Variants in LRMDA observed in about 807,000 individuals in gnomAD.
LRMDA encodes leucine-rich melanocyte differentiation-associated protein.
A neutral mutation model predicts 29.8 loss-of-function variants in LRMDA; 18 were observed. The observed-to-expected ratio is 0.60, with a 90% CI of 0.42 to 0.90. The LOEUF (loss-of-function observed/expected upper bound fraction) is 0.90, where lower values mean the gene tolerates loss of function less well. Ranked by LOEUF, LRMDA falls within the 40% of genes least tolerant of loss-of-function variation. The pLI is 0.00. For synonymous variants in LRMDA, 125 were observed against 109.4 expected (o/e 1.14, Z -0.89); for missense variants, 273 against 273.9 (o/e 1.00, Z 0.02).
intron 2 of LRMDA, among the ~76,000 whole-genome samples, chr10:75,493,916 T>C (rs901024624): frequency 1.6e-4 from 20 of 126,844 alleles, no homozygotes; most frequent in African/African-American, 5.7e-4. Context: ...TGTGTGTGTG[T>C]GTAAATTATT....
At chr10:75,929,518 C>T (rs188199718) in intron 2 of LRMDA, among the ~76,000 whole-genome samples, 322 of 152,138 alleles carry the variant, frequency 2.1e-3, no homozygotes, top group Non-Finnish European at 4.0e-3. Flanking sequence ...AGTAACCTCC[C>T]CAAGTTACAT....
rs1248469743 is a variant in LRMDA, at chr10:76,146,029, A to G, written c.516+87246A>G. ...AGTGAGTTTCTTAATCCTGAGTTCTAGTTTGATTGCACTGTGGTCTGAGAG... is the reference window on the plus strand; with the variant it reads ...AGTGAGTTTCTTAATCCTGAGTTCTGGTTTGATTGCACTGTGGTCTGAGAG... On this transcript the variant is annotated intron_variant, in intron 5 of 6. Transcript: ENST00000611255. Among the ~76,000 whole-genome samples the G allele has an allele frequency of 4.6e-5, 7 of 151,802 alleles. No individual in the cohort carries two copies. In the East Asian group the frequency reaches 1.4e-3, roughly 29 times the overall value.
intron 2 of LRMDA, among the ~76,000 whole-genome samples, chr10:75,492,130 G>A (rs1812045938): frequency 6.6e-6 from 1 of 152,226 alleles, no homozygotes; most frequent in African/African-American, 2.4e-5. Flanking sequence ...CATCCGTCAG[G>A]AGAGCCTACG....
rs1840037432 is a variant in LRMDA at position 76,269,059 on chromosome 10, A to G, written c.517-55342A>G. Among the ~76,000 whole-genome samples the G allele has an allele frequency of 2.0e-5, 3 of 152,124 alleles. No individual in the cohort carries two copies. The South Asian group carries it at 6.2e-4, about 32-fold the overall frequency. ...ACCGAATATTTATATATCTATTTTG[A>G]AATTTACATTTCTCCCTTTCTTATG... On this transcript the variant is annotated intron_variant, in intron 5 of 6. Coordinates refer to ENST00000611255, the MANE Select transcript of LRMDA (RefSeq NM_001305581.2).
intron 2 of LRMDA, among the ~76,000 whole-genome samples, chr10:75,902,803 G>A (rs1194883537): frequency 6.6e-6 from 1 of 152,184 alleles, no homozygotes; most frequent in Non-Finnish European, 1.5e-5. Flanking sequence ...CTGTGGCAGT[G>A]AGGAGGGCCA....
chr10:75,615,495 T>G (rs1349302150), intron 2 of LRMDA, among the ~76,000 whole-genome samples: 1 of 152,156 alleles, frequency 6.6e-6, no homozygotes, highest in African/African-American at 2.4e-5. Context: ...AGATTTGGGT[T>G]TTTCAGATTA....
At chr10:76,012,313 A>G (rs1057484738) in intron 2 of LRMDA, among the ~76,000 whole-genome samples, 3 of 152,172 alleles carry the variant, frequency 2.0e-5, no homozygotes, top group African/African-American at 7.2e-5. Context: ...AGCCCATGTC[A>G]GGGCTATACT....
Position 76,104,430 on chromosome 10 carries a change from C to G in LRMDA, c.516+45647C>G, listed in dbSNP as rs369808126. Among the ~76,000 whole-genome samples the G allele has an allele frequency of 9.6e-4, 146 of 152,226 alleles. 3 individuals carry two copies. The South Asian group carries it at 0.03, about 31-fold the overall frequency. On this transcript the variant is annotated intron_variant, in intron 5 of 6. Transcript: ENST00000611255. ...GGTAGGGCTACTTCCCCTCCCATTGCCACCTGCAACTTTGTGGTTCTGGCT... is the reference window on the plus strand; with the variant it reads ...GGTAGGGCTACTTCCCCTCCCATTGGCACCTGCAACTTTGTGGTTCTGGCT...
At chr10:75,764,075 G>A (rs569020233) in intron 2 of LRMDA, among the ~76,000 whole-genome samples, 1 of 152,238 alleles carries the variant, frequency 6.6e-6, no homozygotes, top group African/African-American at 2.4e-5. Flanking sequence ...TGAGGGTGGG[G>A]CTGGTAGAAA....
chr10:76,117,297 G>A (rs1434355051), intron 5 of LRMDA, among the ~76,000 whole-genome samples: 1 of 152,118 alleles, frequency 6.6e-6, no homozygotes, highest in Non-Finnish European at 1.5e-5. Flanking sequence ...GACCCAACCA[G>A]GGCATATTCA....
rs563722397 is a variant in LRMDA at position 76,290,955 on chromosome 10, T to A, written c.517-33446T>A. On this transcript the variant is annotated intron_variant, in intron 5 of 6. Transcript: ENST00000611255. ...ATGTAAATTAATGTTGACCTCTAAT[T>A]AAAATCTTTCAATTTATATATAATA... 3.3e-5 allele frequency among the ~76,000 whole-genome samples: 5 copies of A among 152,334 alleles called. No homozygotes were observed. The South Asian group carries it at 1.0e-3, about 32-fold the overall frequency.
At chr10:76,517,281 C>A (rs139182949) in intron 6 of LRMDA, among the ~76,000 whole-genome samples, 232 of 152,068 alleles carry the variant, frequency 1.5e-3, no homozygotes, top group African/African-American at 5.4e-3. Context: ...CTTAAAAGCC[C>A]CACCTAACCA....
chr10:75,588,499 T>C (rs1014078489), intron 2 of LRMDA, among the ~76,000 whole-genome samples: 2 of 152,230 alleles, frequency 1.3e-5, no homozygotes, highest in African/African-American at 2.4e-5. Flanking sequence ...GCCTGGTCCA[T>C]GTGAGTTCCT....
At chr10:76,406,022 AT>A (rs1040650628) in intron 6 of LRMDA, among the ~76,000 whole-genome samples, 2 of 152,218 alleles carry the variant, frequency 1.3e-5, no homozygotes, top group Admixed American at 6.5e-5. Flanking sequence ...ATGTCCTCTT[AT>A]TTAACTGGCC....
intron 5 of LRMDA, among the ~76,000 whole-genome samples, chr10:76,094,048 G>A (rs1849275861): frequency 6.6e-6 from 1 of 152,198 alleles, no homozygotes; most frequent in Non-Finnish European, 1.5e-5. Context: ...CACACAGTAG[G>A]AAGGTAGTAA....
chr10:76,231,438 T>C (rs1852056982), intron 5 of LRMDA, among the ~76,000 whole-genome samples: 1 of 152,230 alleles, frequency 6.6e-6, no homozygotes, highest in South Asian at 2.1e-4. Flanking sequence ...GGCTGCTTAA[T>C]ACACAAGTGT....
At position 76,408,853 on chromosome 10, in the gene LRMDA, T is replaced by A. The variant is rs528290342; in HGVS notation, c.601+84368T>A. Among the ~76,000 whole-genome samples the A allele has an allele frequency of 2.0e-5, 3 of 152,300 alleles. No individual in the cohort carries two copies. The South Asian group carries it at 6.2e-4, about 32-fold the overall frequency. ...GACAGCTTTCCTTTGGTGGTTTGCATACTCCCCTCATGTAGTAGTCACATT... is the reference window on the plus strand; with the variant it reads ...GACAGCTTTCCTTTGGTGGTTTGCAAACTCCCCTCATGTAGTAGTCACATT... On this transcript the variant is annotated intron_variant, in intron 6 of 6. Transcript: ENST00000611255.
At chr10:76,152,623 T>A (rs1850465893) in intron 5 of LRMDA, among the ~76,000 whole-genome samples, 1 of 152,212 alleles carries the variant, frequency 6.6e-6, no homozygotes, top group South Asian at 2.1e-4. Context: ...CCATAGGTAG[T>A]GCCATTTTAC....
intron 2 of LRMDA, among the ~76,000 whole-genome samples, chr10:75,888,024 T>A (rs748227106): frequency 6.6e-6 from 1 of 152,230 alleles, no homozygotes; most frequent in African/African-American, 2.4e-5. Context: ...TCTATTACTA[T>A]GTAAGAGCTC....
Sources: allele counts gnomAD v4.1 joint callset (sites outside exome capture counted in the v4.1 genomes callset), GRCh38; gene constraint gnomAD v4.1.1; transcripts MANE v1.5; gene names NCBI Gene and HGNC (gene_info 2026-07-23, HGNC 2026-07-21).